Variants in IQCK observed in about 807,000 individuals in gnomAD.
The protein encoded by IQCK is IQ domain-containing protein K.
IQCK carries 29 observed loss-of-function variants against 28.1 expected under a neutral mutation model. The ratio of observed to expected loss-of-function variants is 1.03; its 90% CI spans 0.77 to 1.41. The LOEUF (loss-of-function observed/expected upper bound fraction) is 1.41. IQCK is among the 40% of genes most tolerant of loss of function. The probability of loss-of-function intolerance (pLI) is 0.00; values close to 1 mark genes in which losing one functional copy is unlikely to be tolerated. For synonymous variants in IQCK, 113 were observed against 115.1 expected, an observed-to-expected ratio of 0.98 and a Z score of 0.12; for missense variants, 359 against 314.7, an observed-to-expected ratio of 1.14 and a Z score of -1.07.
intron 1 of IQCK, among the ~76,000 whole-genome samples, chr16:19,720,935 C>T (rs967318363): frequency 4.3e-4 from 65 of 151,888 alleles, no homozygotes; most frequent in African/African-American, 1.5e-3. Context: ...TCGCTTGAAC[C>T]TGAGAGGCGG....
At chr16:19,785,123 A>C (rs1392193230) in intron 6 of IQCK, among the ~76,000 whole-genome samples, 1 of 152,222 alleles carries the variant, frequency 6.6e-6, no homozygotes, top group Non-Finnish European at 1.5e-5. Context: ...ACCAGGAAAA[A>C]GAGGTGTCAG....
rs983963512 is a variant in IQCK, at chr16:19,836,906, A to T, written c.802+9769A>T. On this transcript the variant is annotated intron_variant, in intron 9 of 9. Coordinates refer to the IQCK transcript ENST00000320394. ...TAAGTTTCCCATTTCTCACTGTGCA[A>T]CCTCGAGCAGGTTGCTTAACCTCTC... 3.9e-5 allele frequency among the ~76,000 whole-genome samples: 6 copies of T among 152,268 alleles called. 1 individual carries two copies. The South Asian group carries it at 1.2e-3, about 32-fold the overall frequency.
chr16:19,837,117 G>A (rs1046882126), intron 9 of IQCK, among the ~76,000 whole-genome samples: 5 of 152,106 alleles, frequency 3.3e-5, no homozygotes, highest in Non-Finnish European at 7.4e-5. Flanking sequence ...AAGAATATTG[G>A]CAGCCAGGTG....
intron 9 of IQCK, among the ~76,000 whole-genome samples, chr16:19,855,978 T>C (rs1448608746): frequency 6.6e-6 from 1 of 152,180 alleles, no homozygotes; most frequent in East Asian, 1.9e-4. Context: ...ATACCCTGTA[T>C]GGAGCTAACT....
At chr16:19,757,624 C>G (rs1481038491) in intron 4 of IQCK, among the ~76,000 whole-genome samples, 1 of 152,162 alleles carries the variant, frequency 6.6e-6, no homozygotes, top group Non-Finnish European at 1.5e-5. Context: ...GAGTGGAGAT[C>G]GTGCCACTGC....
intron 2 of IQCK, among the ~76,000 whole-genome samples, chr16:19,730,908 G>A (rs56344690): frequency 0.1 from 15,309 of 151,998 alleles, 869 homozygotes; most frequent in Non-Finnish European, 0.13. Context: ...ATTTTTTGTC[G>A]AGACGGGGTT....
At chr16:19,725,322 A>G (rs1402575489) in intron 1 of IQCK, among the ~76,000 whole-genome samples, 1 of 151,986 alleles carries the variant, frequency 6.6e-6, no homozygotes, top group Non-Finnish European at 1.5e-5. Flanking sequence ...TAAGCCTCCC[A>G]AGTAGCTGGG....
At chr16:19,784,385 A>T (rs2055534762) in intron 6 of IQCK, among the ~76,000 whole-genome samples, 1 of 152,180 alleles carries the variant, frequency 6.6e-6, no homozygotes, top group African/African-American at 2.4e-5. Context: ...GACCTTGAAC[A>T]CAGAGTCCCT....
chr16:19,739,479 G>A (rs2054802493), intron 4 of IQCK, among the ~76,000 whole-genome samples: 2 of 152,234 alleles, frequency 1.3e-5, no homozygotes, highest in Non-Finnish European at 2.9e-5. Flanking sequence ...CCTGTCACCT[G>A]TGGTTTGAGT....
chr16:19,830,566 C>T (rs117435228), downstream of IQCK, among the ~76,000 whole-genome samples: 58 of 152,276 alleles, frequency 3.8e-4, 1 homozygote, highest in East Asian at 5.2e-3. Context: ...TTCCCATATA[C>T]GCTGAGACCG....
chr16:19,733,878 G>T, intron 3 of IQCK, 51 bp downstream of exon 3: 1 of 1,602,964 alleles, frequency 6.2e-7, no homozygotes, highest in South Asian at 1.1e-5. Flanking sequence ...TAACATTGCA[G>T]AACCACAGGG....
chr16:19,829,259 C>T (rs983034421), downstream of IQCK, among the ~76,000 whole-genome samples: 1 of 151,816 alleles, frequency 6.6e-6, no homozygotes, highest in Non-Finnish European at 1.5e-5. Context: ...CCTCAGTGGG[C>T]TGCAGCCCCT....
At chr16:19,834,193 T>G (rs958047409) in intron 9 of IQCK, among the ~76,000 whole-genome samples, 3 of 151,958 alleles carry the variant, frequency 2.0e-5, no homozygotes, top group African/African-American at 7.2e-5. Flanking sequence ...AACTAAGGAG[T>G]AGCTACGAGC....
intron 4 of IQCK, among the ~76,000 whole-genome samples, chr16:19,744,392 A>G (rs977570427): frequency 2.0e-5 from 3 of 152,264 alleles, no homozygotes; most frequent in African/African-American, 7.2e-5. Flanking sequence ...TGGTTTCCCA[A>G]AGTCCTGGGA....
intron 9 of IQCK, among the ~76,000 whole-genome samples, chr16:19,848,054 A>G (rs1360790164): frequency 6.6e-6 from 1 of 152,204 alleles, no homozygotes; most frequent in Non-Finnish European, 1.5e-5. Context: ...TTGCTGGGTT[A>G]TATGTTTAAT....
chr16:19,731,176 C>T (rs1279839499), intron 2 of IQCK, among the ~76,000 whole-genome samples: 1 of 152,198 alleles, frequency 6.6e-6, no homozygotes, highest in African/African-American at 2.4e-5. Flanking sequence ...CCAAGTTTCT[C>T]TGCATGACAG....
chr16:19,832,965 C>T (rs2056251638), intron 9 of IQCK, among the ~76,000 whole-genome samples: 2 of 152,138 alleles, frequency 1.3e-5, no homozygotes, highest in South Asian at 4.1e-4. Context: ...TCCTTCCACA[C>T]ATGGGGATTA....
At chr16:19,829,556 T>C (rs2141095547), downstream of IQCK, among the ~76,000 whole-genome samples, 2 of 152,202 alleles carry the variant, frequency 1.3e-5, no homozygotes, top group South Asian at 2.1e-4. Flanking sequence ...AGGCTGGTCC[T>C]GACCTCCTGA....
intron 6 of IQCK, among the ~76,000 whole-genome samples, chr16:19,785,313 T>G (rs2055547769): frequency 6.6e-6 from 1 of 152,090 alleles, no homozygotes; most frequent in Non-Finnish European, 1.5e-5. Context: ...TGCCCCTGGC[T>G]AGGGGTATAC....
Sources: allele counts gnomAD v4.1 joint callset (sites outside exome capture counted in the v4.1 genomes callset), GRCh38; gene constraint gnomAD v4.1.1; transcripts MANE v1.5; gene names NCBI Gene and HGNC (gene_info 2026-07-23, HGNC 2026-07-21).